The following FAT1 variants were observed in gnomAD, a reference collection of about 807,000 sequenced individuals.
FAT1 encodes the protein FAT atypical cadherin 1.
Under a neutral mutation model 329.8 loss-of-function variants are expected in FAT1, and 171 were observed. The observed-to-expected ratio is 0.52, with a 90% confidence interval of 0.46 to 0.59. FAT1 has a LOEUF of 0.59. Among genes scored for constraint, FAT1 ranks in the 20% least tolerant of loss-of-function variants. FAT1 has a pLI of 0.00. For synonymous variants in FAT1, 2,233 were observed against 2,228.6 expected (o/e 1.00, Z -0.06); for missense variants, 5,672 against 5,774.4 (o/e 0.98, Z 0.57).
At chr4:186,682,883 G>A (rs78354811) in intron 2 of FAT1, among the ~76,000 whole-genome samples, 3,510 of 152,280 alleles carry the variant, frequency 0.023, 52 homozygotes, top group Middle Eastern at 0.065. Flanking sequence ...GGGACTCCAG[G>A]ACAGCAGGAC....
rs565380237 is a variant in FAT1, at chr4:186,596,186, C to T, written c.13000+354G>A. 3.5e-4 allele frequency among the ~76,000 whole-genome samples: 53 copies of T among 152,238 alleles called. No homozygotes were observed. Among genetic ancestry groups the T allele is most frequent in the African/African-American group, 1.2e-3 (50 of 41,534 alleles). ...GTCACTAATATAAATATTTCCACTT[C>T]GCCAGGTCATATTTTTAAAAATCCT... On this transcript the variant is annotated intron_variant, in intron 25 of 26. Transcript: ENST00000441802. The surrounding 1 kb of genome is among the most constrained non-coding windows in gnomAD (Gnocchi z 4.7).
At chr4:186,724,640 C>G (rs1745649490), upstream of FAT1, among the ~76,000 whole-genome samples, 1 of 152,178 alleles carries the variant, frequency 6.6e-6, no homozygotes, top group Admixed American at 6.5e-5. The surrounding 1 kb of genome is among the most constrained non-coding windows in gnomAD (Gnocchi z 5.3). Context: ...AAGCCCGCTC[C>G]GAGAACTCCC....
intron 1 of FAT1, among the ~76,000 whole-genome samples, chr4:186,713,356 T>C (rs2126712016): frequency 6.6e-6 from 1 of 152,276 alleles, no homozygotes; most frequent in Non-Finnish European, 1.5e-5. Flanking sequence ...TCTCTCCTGA[T>C]TAGATTGGGG....
intron 4 of FAT1, 37 bp downstream of exon 4, chr4:186,639,685 C>T (rs772995478): frequency 8.8e-6 from 12 of 1,356,796 alleles, no homozygotes; most frequent in South Asian, 1.2e-5. Context: ...CTTGTAACTA[C>T]GAATCTTTAA....
rs550477464 is a variant in FAT1 at position 186,619,030 on chromosome 4, C to T, written c.7556G>A (p.Gly2519Glu). The T allele has an allele frequency of 6.8e-6, 11 of 1,613,958 alleles. No homozygotes were observed. The highest frequency in any genetic ancestry group is 6.6e-5 in the South Asian group (6 of 91,074). Residue 2519 changes from glycine (G) to glutamate (E), a missense_variant, in exon 10 of 27, where the codon GGG becomes GAG. By Grantham distance (98) the Gly-to-Glu change is moderately conservative (BLOSUM62 -2). This residue lies in a region of FAT1 where 3,966 missense variants were observed against 3,915.2 expected (regional missense o/e 1.01). Coordinates refer to ENST00000441802, the MANE Select transcript of FAT1 (RefSeq NM_005245.4). ...TLVMEVKTTDGDSGIYGHVTY... is the reference protein window; with the variant it reads ...TLVMEVKTTDEDSGIYGHVTY... ...AACGTGACCATAAATACCAGAATCC[C>T]CATCCGTAGTTTTCACCTCCATCAC...
chr4:186,720,884 T>C (rs974847210), intron 1 of FAT1, among the ~76,000 whole-genome samples: 5 of 152,132 alleles, frequency 3.3e-5, no homozygotes, highest in Admixed American at 1.3e-4. Flanking sequence ...AAATAAAACA[T>C]CCATCCTTCT....
In FAT1 at chr4:186,648,165, G is replaced by A. The variant is rs565550587; in HGVS notation, c.3581-8382C>T. ...TGGCTACTCCTGGGAAATGGAACAG[G>A]TAGCTGGAGGGAAGAGAGGAGAGAG... On this transcript the variant is annotated intron_variant, in intron 3 of 26. Transcript: ENST00000441802. Among the ~76,000 whole-genome samples the A allele has an allele frequency of 3.9e-5, 6 of 152,290 alleles. No individual in the cohort carries two copies. The South Asian group carries it at 1.2e-3, about 32-fold the overall frequency.
chr4:186,644,898 T>C (rs1461874573), intron 3 of FAT1, among the ~76,000 whole-genome samples: 2 of 151,984 alleles, frequency 1.3e-5, no homozygotes, highest in Non-Finnish European at 2.9e-5. Flanking sequence ...ACTCAGAAAG[T>C]GGAGATAAGA....
chr4:186,673,252 T>A lies in FAT1; in HGVS notation c.3266-9639A>T, dbSNP rs145487700. On this transcript the variant is annotated intron_variant, in intron 2 of 26. Transcript: ENST00000441802. ...CTGTAAATTTCTGTAACCATGGATT[T>A]AAAAATCTATATTTAAAATGTATAC... Among the ~76,000 whole-genome samples the A allele has an allele frequency of 4.9e-3, 751 of 152,322 alleles. 6 individuals are homozygous for A. Among genetic ancestry groups the A allele is most frequent in the African/African-American group, 0.016 (655 of 41,578 alleles).
At chr4:186,653,201 T>C (rs1476469213) in intron 3 of FAT1, among the ~76,000 whole-genome samples, 3 of 152,154 alleles carry the variant, frequency 2.0e-5, no homozygotes, top group Non-Finnish European at 2.9e-5. Context: ...TTGGGAGCTC[T>C]GAAAACTTAA....
At chr4:186,601,577 G>A in intron 20 of FAT1, 151 bp from the exon 21 acceptor site, 1 of 540,416 alleles carries the variant, frequency 1.9e-6, no homozygotes, top group South Asian at 4.9e-5. Flanking sequence ...ACGTCTATTT[G>A]CTTAATGAAA....
intron 9 of FAT1, among the ~76,000 whole-genome samples, chr4:186,622,413 A>C (rs539876178): frequency 9.2e-5 from 14 of 152,284 alleles, no homozygotes; most frequent in Admixed American, 4.6e-4. Flanking sequence ...ATGCCTGCAG[A>C]CATTTTTGGT....
At chr4:186,655,227 C>T (rs1484185716) in intron 3 of FAT1, among the ~76,000 whole-genome samples, 1 of 152,152 alleles carries the variant, frequency 6.6e-6, no homozygotes, top group African/African-American at 2.4e-5. Flanking sequence ...CCATTAACTA[C>T]TAAACTTTTC....
intron 1 of FAT1, among the ~76,000 whole-genome samples, chr4:186,723,351 G>A (rs762515994): frequency 1.3e-5 from 2 of 152,214 alleles, no homozygotes; most frequent in Non-Finnish European, 2.9e-5. Flanking sequence ...GAGACCGCGA[G>A]GCCGGCGCAG....
chr4:186,615,624 T>A (rs1445486178), intron 11 of FAT1, among the ~76,000 whole-genome samples: 8 of 152,164 alleles, frequency 5.3e-5, no homozygotes, highest in Non-Finnish European at 1.0e-4. Context: ...CCAAATGGTC[T>A]GTTTCGCATC....
rs144688265 is a variant in FAT1, at chr4:186,689,733, C to T, written c.3265+16830G>A. Among the ~76,000 whole-genome samples, 1,007 of 152,328 alleles carry T rather than the reference C, an allele frequency of 6.6e-3. 11 individuals are homozygous for T. Among genetic ancestry groups the T allele is most frequent in the African/African-American group, 0.023 (953 of 41,580 alleles). ...ACCCACCCACACCAGGCTAATTCAA[C>T]AGGCAGAACTACTTAACTCTTCCAC... On this transcript the variant is annotated intron_variant, in intron 2 of 26. Coordinates refer to ENST00000441802, the MANE Select transcript of FAT1 (RefSeq NM_005245.4).
chr4:186,667,394 C>G (rs933493025), intron 2 of FAT1, among the ~76,000 whole-genome samples: 1 of 152,160 alleles, frequency 6.6e-6, no homozygotes, highest in Admixed American at 6.5e-5. Flanking sequence ...ATTCAAATAT[C>G]GGAGATTGTG....
At chr4:186,675,754 A>C (rs901672156) in intron 2 of FAT1, among the ~76,000 whole-genome samples, 2 of 146,788 alleles carry the variant, frequency 1.4e-5, no homozygotes, top group East Asian at 4.3e-4. Context: ...ACACACACAC[A>C]CCCACACATA....
chr4:186,671,279 T>C (rs1442290362), intron 2 of FAT1, among the ~76,000 whole-genome samples: 2 of 152,198 alleles, frequency 1.3e-5, no homozygotes, highest in Non-Finnish European at 2.9e-5. Flanking sequence ...AATAACAATC[T>C]AATTCAAAAT....
Sources: gnomAD v4.1 joint callset for allele counts (sites outside exome capture counted in the v4.1 genomes callset) on GRCh38, gnomAD v4.1.1 for gene constraint, gnomAD v4.1.1 regional missense constraint, Gnocchi (gnomAD v3.1) non-coding constraint, MANE v1.5 for transcripts, NCBI Gene and HGNC (gene_info 2026-07-23, HGNC 2026-07-21) for gene names.